ANO3: variants seen among roughly 807,000 people sequenced by gnomAD.
The protein encoded by ANO3 is anoctamin 3, also known as anoctamin-3.
A neutral mutation model predicts 144.8 loss-of-function variants in ANO3; 99 were observed. The observed-to-expected ratio is 0.68, with a 90% CI of 0.58 to 0.81. ANO3 has a LOEUF of 0.81. Among genes scored for constraint, ANO3 ranks in the 30% least tolerant of loss-of-function variants. The pLI, the probability that ANO3 is intolerant of heterozygous loss-of-function variation, is 0.00. For missense variants in ANO3, 905 were observed against 1,202.2 expected, an observed-to-expected ratio of 0.75 and a Z score of 3.66; for synonymous variants, 414 against 392.6, an observed-to-expected ratio of 1.05 and a Z score of -0.64.
intron 17 of ANO3, among the ~76,000 whole-genome samples, chr11:26,603,013 AAACT>A (rs1198471385): frequency 9.9e-5 from 15 of 152,240 alleles, no homozygotes; most frequent in African/African-American, 3.6e-4. Flanking sequence ...GAAAGATTAC[AAACT>A]AACAAAGCAG....
chr11:26,584,851 G>T (rs1851233153), intron 14 of ANO3, among the ~76,000 whole-genome samples: 1 of 152,184 alleles, frequency 6.6e-6, no homozygotes, highest in African/African-American at 2.4e-5. Flanking sequence ...TGAGGAAATG[G>T]AGCTATAAGA....
At chr11:26,601,450 T>C (rs1278181255) in intron 17 of ANO3, among the ~76,000 whole-genome samples, 1 of 152,190 alleles carries the variant, frequency 6.6e-6, no homozygotes. Flanking sequence ...GTTTAGTTTG[T>C]AGAAAGTGAA....
chr11:26,315,243 T>C (rs1047627471), intron 1 of ANO3, among the ~76,000 whole-genome samples: 1 of 152,170 alleles, frequency 6.6e-6, no homozygotes, highest in Admixed American at 6.5e-5. Context: ...AAAATCCACT[T>C]CGGGTGAGCA....
chr11:26,328,867 A>G (rs1320925108), upstream of ANO3, among the ~76,000 whole-genome samples: 8 of 152,206 alleles, frequency 5.3e-5, no homozygotes, highest in African/African-American at 1.9e-4. Context: ...AAAATATATG[A>G]AAGTATAAAA....
At chr11:26,254,277 A>C (rs577835379) in intron 1 of ANO3, among the ~76,000 whole-genome samples, 10 of 152,270 alleles carry the variant, frequency 6.6e-5, no homozygotes, top group African/African-American at 2.4e-4. Flanking sequence ...TAAATAGTTT[A>C]GGAGCTAATA....
chr11:26,435,453 T>C (rs1439777760), intron 1 of ANO3, among the ~76,000 whole-genome samples: 1 of 152,236 alleles, frequency 6.6e-6, no homozygotes, highest in Non-Finnish European at 1.5e-5. Flanking sequence ...ATTTGACTAT[T>C]GGTCTCTCTA....
rs999397368 is a variant in ANO3 at position 26,663,046 on chromosome 11, G to A, written c.*2602G>A. The A allele has an allele frequency of 2.0e-5, 3 of 152,406 alleles. No individual in the cohort carries two copies. Among genetic ancestry groups the A allele is most frequent in the Middle Eastern group, 3.2e-3 (1 of 316 alleles). 9.4% of individuals were successfully genotyped at this position (152,406 alleles called of 1,614,324 possible). A position where few individuals can be genotyped will look rare whatever the true frequency, so the allele number is the denominator to read the frequency against. On this transcript the variant is annotated 3_prime_UTR_variant, in exon 27 of 27. Coordinates refer to ENST00000256737, the MANE Select transcript of ANO3 (RefSeq NM_031418.4). ...TGCATGCAGTCTGCCTTGACAAGTT[G>A]TTCCAAGCTGAAGAGCTTTCACTGT...
intron 1 of ANO3, among the ~76,000 whole-genome samples, chr11:26,369,146 A>G (rs1043977775): frequency 6.6e-6 from 1 of 151,974 alleles, no homozygotes; most frequent in African/African-American, 2.4e-5. Flanking sequence ...CTGTGTGGGT[A>G]TGTGTGTGCA....
At chr11:26,572,603 T>C (rs901626587) in intron 14 of ANO3, among the ~76,000 whole-genome samples, 3 of 152,116 alleles carry the variant, frequency 2.0e-5, no homozygotes, top group Non-Finnish European at 4.4e-5. Context: ...GCCCTATTTG[T>C]GTACTTAAAG....
chr11:26,623,695 CAGT>C (rs1479610202), intron 17 of ANO3, among the ~76,000 whole-genome samples: 5 of 151,922 alleles, frequency 3.3e-5, no homozygotes, highest in African/African-American at 7.2e-5. Context: ...ATTTCTTTAT[CAGT>C]AGGGCAGAAT....
intron 4 of ANO3, chr11:26,474,201 C>A: frequency 4.8e-6 from 3 of 623,272 alleles, no homozygotes; most frequent in Non-Finnish European, 6.0e-6. Flanking sequence ...GTAGAGAAGC[C>A]AATTGAGAGA....
intron 1 of ANO3, among the ~76,000 whole-genome samples, chr11:26,343,470 T>C (rs1433394088): frequency 6.6e-6 from 1 of 152,220 alleles, no homozygotes; most frequent in East Asian, 1.9e-4. Flanking sequence ...TCCTCCATAA[T>C]GCTTTTATAA....
chr11:26,449,825 C>T (rs570332798), intron 3 of ANO3, among the ~76,000 whole-genome samples: 14 of 151,874 alleles, frequency 9.2e-5, no homozygotes, highest in East Asian at 7.8e-4. Context: ...GGCACGATCT[C>T]GGCTCACTGC....
chr11:26,565,217 T>C, intron 14 of ANO3: 1 of 1,516,712 alleles, frequency 6.6e-7, no homozygotes, highest in Non-Finnish European at 8.8e-7. Context: ...TGGTGAATTT[T>C]AAGGTAGGCT....
At chr11:26,593,185 A>G (rs1265632997) in intron 14 of ANO3, among the ~76,000 whole-genome samples, 1 of 152,036 alleles carries the variant, frequency 6.6e-6, no homozygotes. Flanking sequence ...TTCTCTCCAT[A>G]TTGCTGCGTG....
intron 1 of ANO3, among the ~76,000 whole-genome samples, chr11:26,326,764 C>T (rs1241933780): frequency 6.6e-6 from 1 of 152,126 alleles, no homozygotes; most frequent in African/African-American, 2.4e-5. Context: ...CAGGCAGAGG[C>T]CAAGCTATCA....
chr11:26,246,666 A>G (rs1398800210), intron 1 of ANO3, among the ~76,000 whole-genome samples: 4 of 148,812 alleles, frequency 2.7e-5, no homozygotes, highest in Admixed American at 2.0e-4. Flanking sequence ...GTCCCTACCC[A>G]AAACTCATCT....
chr11:26,390,575 A>G (rs1856848658), intron 1 of ANO3, among the ~76,000 whole-genome samples: 1 of 152,178 alleles, frequency 6.6e-6, no homozygotes, highest in Non-Finnish European at 1.5e-5. Context: ...ATCCCAGTTT[A>G]TCTGAGAGAT....
At chr11:26,423,159 G>A (rs899919361) in intron 1 of ANO3, among the ~76,000 whole-genome samples, 7 of 151,870 alleles carry the variant, frequency 4.6e-5, no homozygotes, top group African/African-American at 1.7e-4. Flanking sequence ...GAAGAAAAAT[G>A]TTAAACCCAA....
Sources: allele counts gnomAD v4.1 joint callset (sites outside exome capture counted in the v4.1 genomes callset), GRCh38; gene constraint gnomAD v4.1.1; transcripts MANE v1.5; gene names NCBI Gene and HGNC (gene_info 2026-07-23, HGNC 2026-07-21).